The following MGMT variants were observed in gnomAD, a reference collection of about 807,000 sequenced individuals.
MGMT encodes the protein O-6-methylguanine-DNA methyltransferase, also known as methylated-DNA--protein-cysteine methyltransferase.
In MGMT, 14 loss-of-function variants were observed where a neutral mutation model predicts 15.9. That is an observed-to-expected ratio of 0.88 (90% CI 0.58 to 1.37). MGMT has a LOEUF of 1.37. Ranked by LOEUF, MGMT falls within the 40% of genes most tolerant of loss-of-function variation. The probability of loss-of-function intolerance (pLI) is 0.00; values close to 1 mark genes in which losing one functional copy is unlikely to be tolerated. For synonymous variants in MGMT, 130 were observed against 118.2 expected, an observed-to-expected ratio of 1.10 and a Z score of -0.65; for missense variants, 282 against 268.1, an observed-to-expected ratio of 1.05 and a Z score of -0.36.
At chr10:129,634,346 G>A (rs543639297) in intron 2 of MGMT, among the ~76,000 whole-genome samples, 35 of 152,102 alleles carry the variant, frequency 2.3e-4, no homozygotes, top group Non-Finnish European at 4.1e-4. Context: ...CTTTTACTTG[G>A]TTTCACTGTC....
intron 3 of MGMT, among the ~76,000 whole-genome samples, chr10:129,734,620 G>A (rs1033951844): frequency 2.5e-3 from 381 of 152,092 alleles, no homozygotes; most frequent in Non-Finnish European, 2.4e-3. Context: ...GGTGAGAGAG[G>A]GTATCCCTGT....
chr10:129,698,604 G>C (rs1848060045), intron 2 of MGMT, among the ~76,000 whole-genome samples: 1 of 152,192 alleles, frequency 6.6e-6, no homozygotes, highest in African/African-American at 2.4e-5. Context: ...CACTGCCGTG[G>C]TGGTGGAAGG....
intron 2 of MGMT, among the ~76,000 whole-genome samples, chr10:129,569,312 T>G (rs1846391064): frequency 6.6e-6 from 1 of 152,162 alleles, no homozygotes; most frequent in Non-Finnish European, 1.5e-5. Context: ...GCAATGGAAA[T>G]AGTGACAACA....
At chr10:129,554,980 A>G (rs1846196884) in intron 2 of MGMT, among the ~76,000 whole-genome samples, 1 of 152,182 alleles carries the variant, frequency 6.6e-6, no homozygotes, top group Admixed American at 6.5e-5. Flanking sequence ...CTATAATAGC[A>G]TCTAACCACA....
chr10:129,711,202 C>T (rs145878662), intron 3 of MGMT, among the ~76,000 whole-genome samples: 183 of 152,354 alleles, frequency 1.2e-3, no homozygotes, highest in Non-Finnish European at 2.0e-3. Context: ...CTGGAACGAA[C>T]ATGCTGTTTG....
intron 2 of MGMT, among the ~76,000 whole-genome samples, chr10:129,586,077 C>T (rs1589880457): frequency 2.6e-5 from 4 of 152,152 alleles, no homozygotes; most frequent in African/African-American, 4.8e-5. Flanking sequence ...TGGGATGGGG[C>T]GAGATTTCAT....
chr10:129,494,961 C>T (rs1589835121), intron 1 of MGMT, among the ~76,000 whole-genome samples: 1 of 152,176 alleles, frequency 6.6e-6, no homozygotes, highest in Non-Finnish European at 1.5e-5. Flanking sequence ...TTTGCCTGAA[C>T]AAGACACTAA....
intron 2 of MGMT, among the ~76,000 whole-genome samples, chr10:129,667,884 A>G (rs1847677853): frequency 6.6e-6 from 1 of 152,114 alleles, no homozygotes; most frequent in African/African-American, 2.4e-5. Flanking sequence ...ATTATTTGCC[A>G]TTTGTATTTG....
At chr10:129,709,363 C>T (rs1848204698) in intron 3 of MGMT, among the ~76,000 whole-genome samples, 1 of 152,198 alleles carries the variant, frequency 6.6e-6, no homozygotes, top group South Asian at 2.1e-4. Context: ...TCACTGTGCA[C>T]CTGATGGGCC....
At chr10:129,721,044 G>A (rs1438435498) in intron 3 of MGMT, among the ~76,000 whole-genome samples, 5 of 152,272 alleles carry the variant, frequency 3.3e-5, no homozygotes, top group Admixed American at 2.6e-4. Flanking sequence ...CAGAGTAATC[G>A]TTGAGCACAT....
intron 2 of MGMT, among the ~76,000 whole-genome samples, chr10:129,592,825 A>G (rs1466049589): frequency 6.6e-6 from 1 of 151,388 alleles, no homozygotes; most frequent in Non-Finnish European, 1.5e-5. Flanking sequence ...AAAAATGGTT[A>G]TTTTTCATGA....
chr10:129,739,915 C>T (rs1053472671), intron 3 of MGMT, among the ~76,000 whole-genome samples: 4 of 152,182 alleles, frequency 2.6e-5, no homozygotes, highest in Admixed American at 6.5e-5. Context: ...AGATCCAGGT[C>T]AGAGGCCCTA....
At chr10:129,479,808 G>C (rs1032350715) in intron 1 of MGMT, among the ~76,000 whole-genome samples, 1 of 151,878 alleles carries the variant, frequency 6.6e-6, no homozygotes, top group East Asian at 1.9e-4. Context: ...GGAGTGGTGG[G>C]GTGGGATCTG....
chr10:129,753,316 T>C (rs947570340), intron 3 of MGMT, among the ~76,000 whole-genome samples: 1 of 152,160 alleles, frequency 6.6e-6, no homozygotes, highest in Non-Finnish European at 1.5e-5. Context: ...TTTGAATGTG[T>C]CCTGTTTGCA....
chr10:129,471,223 C>T (rs1019659956), intron 1 of MGMT, among the ~76,000 whole-genome samples: 7 of 152,188 alleles, frequency 4.6e-5, no homozygotes, highest in African/African-American at 1.7e-4. Flanking sequence ...GCAGTTTTTA[C>T]TGACAAATTG....
At chr10:129,591,926 G>A (rs944615118) in intron 2 of MGMT, among the ~76,000 whole-genome samples, 2 of 152,116 alleles carry the variant, frequency 1.3e-5, no homozygotes, top group South Asian at 2.1e-4. Flanking sequence ...GCGAGACTCC[G>A]TCTCAAAAAA....
intron 2 of MGMT, among the ~76,000 whole-genome samples, chr10:129,653,702 A>G (rs1847490204): frequency 6.6e-6 from 1 of 152,228 alleles, no homozygotes; most frequent in Non-Finnish European, 1.5e-5. Flanking sequence ...CTGCTAAACA[A>G]GAGGCAGGGA....
chr10:129,743,585 C>A (rs1268539826), intron 3 of MGMT, among the ~76,000 whole-genome samples: 1 of 152,204 alleles, frequency 6.6e-6, no homozygotes, highest in South Asian at 2.1e-4. Context: ...CTGGCACCCT[C>A]AAGTGCAAGT....
At chr10:129,637,273 G>A (rs372896057) in intron 2 of MGMT, among the ~76,000 whole-genome samples, 63 of 152,302 alleles carry the variant, frequency 4.1e-4, no homozygotes, top group African/African-American at 9.4e-4. Context: ...TGGTGTAAGT[G>A]CAGATGGGCC....
Sources: gnomAD v4.1 joint callset for allele counts (sites outside exome capture counted in the v4.1 genomes callset) on GRCh38, gnomAD v4.1.1 for gene constraint, MANE v1.5 for transcripts, NCBI Gene and HGNC (gene_info 2026-07-23, HGNC 2026-07-21) for gene names.